The following ZNF831 variants were observed in gnomAD, a reference collection of about 807,000 sequenced individuals.
ZNF831 encodes chromosome 20 open reading frame 174.
ZNF831 carries 59 observed loss-of-function variants against 95.8 expected under a neutral mutation model. That is an observed-to-expected ratio of 0.62 (90% CI 0.50 to 0.77). The LOEUF is 0.77. Ranked by LOEUF, ZNF831 falls within the 30% of genes least tolerant of loss-of-function variation. The pLI is 0.00. For synonymous variants in ZNF831, 961 were observed against 925.5 expected (o/e 1.04, Z -0.70); for missense variants, 2,205 against 2,164.0 (o/e 1.02, Z -0.38).
chr20:59,151,625 T>C (rs1213695986), intron 2 of ZNF831, among the ~76,000 whole-genome samples: 1 of 152,164 alleles, frequency 6.6e-6, no homozygotes, highest in Non-Finnish European at 1.5e-5. Flanking sequence ...GCCAGGTGAA[T>C]GAGGGATGGC....
At chr20:59,151,307 T>C (rs78628461) in intron 2 of ZNF831, among the ~76,000 whole-genome samples, 12,503 of 152,184 alleles carry the variant, frequency 0.082, 692 homozygotes, top group Non-Finnish European at 0.12. Flanking sequence ...AGCACCCATC[T>C]CTGGACAGAA....
intron 1 of ZNF831, among the ~76,000 whole-genome samples, chr20:59,185,560 C>A (rs1168495177): frequency 6.6e-6 from 1 of 152,076 alleles, no homozygotes; most frequent in African/African-American, 2.4e-5. Flanking sequence ...GGTGACAACC[C>A]CCTCAATTTG....
rs1555838157 is a variant in ZNF831, at chr20:59,254,767, T to TTC, written c.*24_*25insTC. Reference sequence around the variant, plus strand: ...GAAGCTTCCAGAGAAACATGGTGTCTGGTCAAAAAGACTGTTGACGCTTCA... The same window carrying TTC: ...GAAGCTTCCAGAGAAACATGGTGTCTTCGGTCAAAAAGACTGTTGACGCTTCA... On this transcript the variant is annotated 3_prime_UTR_variant, in exon 6 of 6. Coordinates refer to ENST00000371030, the MANE Select transcript of ZNF831 (RefSeq NM_178457.3). The surrounding 1 kb of genome is among the most constrained non-coding windows in gnomAD (Gnocchi z 4.5). 6.8e-7 allele frequency: 1 copy of TTC among 1,464,934 alleles called. No individual in the cohort carries two copies. Among genetic ancestry groups the TTC allele is most frequent in the East Asian group, 2.5e-5 (1 of 39,548 alleles). The allele number at this position is 1,464,934 out of a possible 1,614,324, so 90.7% of individuals were successfully genotyped here.
chr20:59,254,748 T>C lies in ZNF831; in HGVS notation c.*5T>C, dbSNP rs773419620. ...CGATTAGTTATAGAAATATGAAGCT[T>C]CCAGAGAAACATGGTGTCTGGTCAA... On this transcript the variant is annotated 3_prime_UTR_variant, in exon 6 of 6. Transcript: ENST00000371030. The surrounding 1 kb of genome is among the most constrained non-coding windows in gnomAD (Gnocchi z 4.5). 8.3e-6 allele frequency: 13 copies of C among 1,565,418 alleles called. No individual in the cohort carries two copies. In the African/African-American group the frequency reaches 1.6e-4, roughly 19 times the overall value.
intron 4 of ZNF831, among the ~76,000 whole-genome samples, chr20:59,219,420 A>G (rs971613560): frequency 6.6e-6 from 1 of 152,200 alleles, no homozygotes; most frequent in African/African-American, 2.4e-5. Context: ...CCAGTGTGGC[A>G]AGGGGAGCCG....
rs1321484457 is a variant in ZNF831 at position 59,149,593 on chromosome 20, GA to G, written c.-1281+3223del. ...CCCTCCTCCAAAAAAAATCGTGAAG[GA>G]AAAGGGTTCCCTCCTGAGTGAGCGC... On this transcript the variant is annotated intron_variant, in intron 2 of 7. Transcript: ENST00000637017. 3.9e-5 allele frequency among the ~76,000 whole-genome samples: 6 copies of G among 152,340 alleles called. No individual in the cohort carries two copies. In the South Asian group the frequency reaches 1.0e-3, roughly 26 times the overall value.
intron 1 of ZNF831, among the ~76,000 whole-genome samples, chr20:59,135,458 G>A (rs747839912): frequency 1.1e-4 from 16 of 152,188 alleles, no homozygotes; most frequent in African/African-American, 2.2e-4. Context: ...GCAGCTGGGC[G>A]CAGTGGCTCA....
At chr20:59,175,129 T>G (rs1982044251) in intron 1 of ZNF831, among the ~76,000 whole-genome samples, 1 of 152,008 alleles carries the variant, frequency 6.6e-6, no homozygotes, top group Non-Finnish European at 1.5e-5. Flanking sequence ...GCTAAGGCAT[T>G]GTTTCTCACT....
intron 1 of ZNF831, among the ~76,000 whole-genome samples, chr20:59,129,221 G>T (rs910279991): frequency 1.3e-5 from 2 of 152,136 alleles, no homozygotes; most frequent in African/African-American, 4.8e-5. Context: ...TGTGTATGTT[G>T]TGTATGTATG....
At chr20:59,177,854 G>A (rs1358185321) in intron 1 of ZNF831, among the ~76,000 whole-genome samples, 2 of 152,136 alleles carry the variant, frequency 1.3e-5, no homozygotes, top group African/African-American at 4.8e-5. Context: ...GTTGAGGAGT[G>A]GAGAAAAAGT....
chr20:59,205,030 G>C (rs573326806), intron 3 of ZNF831, among the ~76,000 whole-genome samples: 1 of 152,208 alleles, frequency 6.6e-6, no homozygotes, highest in Admixed American at 6.5e-5. Context: ...ATTCAGAGGC[G>C]GGGCCTTTCC....
rs1392508905 is a variant in ZNF831 at position 59,217,805 on chromosome 20, A to G, written c.4027+10749A>G. Among the ~76,000 whole-genome samples, 1 of 152,196 alleles carries G rather than the reference A, an allele frequency of 6.6e-6. No individual in the cohort carries two copies. Among genetic ancestry groups the G allele is most frequent in the African/African-American group, 2.4e-5 (1 of 41,444 alleles). ...TATTTATTTTTTTAAATCACAGAGA[A>G]GTAAGTTTCTCTTGACCAGATGTTA... On this transcript the variant is annotated intron_variant, in intron 4 of 5. Coordinates refer to ENST00000371030, the MANE Select transcript of ZNF831 (RefSeq NM_178457.3). The surrounding 1 kb of genome is among the most constrained non-coding windows in gnomAD (Gnocchi z 4.4).
chr20:59,154,514 C>G lies in ZNF831; in HGVS notation c.-1280-5138C>G, dbSNP rs566157331. ...CCCATCCTGCAGCAACTCCAGTGTC[C>G]CTCTTCTTCAGACTCCATGAGGAGT... On this transcript the variant is annotated intron_variant, in intron 2 of 7. Coordinates refer to the ZNF831 transcript ENST00000637017. Among the ~76,000 whole-genome samples, 8 of 152,312 alleles carry G rather than the reference C, an allele frequency of 5.3e-5. No individual in the cohort carries two copies. In the South Asian group the frequency reaches 6.2e-4, roughly 12 times the overall value.
Position 59,208,500 on chromosome 20 carries a change from A to C in ZNF831, c.4027+1444A>C, listed in dbSNP as rs1402266639. Among the ~76,000 whole-genome samples the C allele has an allele frequency of 1.3e-5, 2 of 152,128 alleles. No individual in the cohort carries two copies. Among genetic ancestry groups the C allele is most frequent in the Non-Finnish European group, 2.9e-5 (2 of 68,016 alleles). On this transcript the variant is annotated intron_variant, in intron 4 of 5. Coordinates refer to ENST00000371030, the MANE Select transcript of ZNF831 (RefSeq NM_178457.3). The surrounding 1 kb of genome is among the most constrained non-coding windows in gnomAD (Gnocchi z 4.2). ...TGGATGCCCCTCGTCTCTCCTTAAG[A>C]GTTTTCCAATGTATAACCCACAGCT...
chr20:59,235,492 G>A (rs1853330572), intron 4 of ZNF831, among the ~76,000 whole-genome samples: 1 of 152,154 alleles, frequency 6.6e-6, no homozygotes, highest in African/African-American at 2.4e-5. Flanking sequence ...CCAGAGCAGA[G>A]TTAACCTAGG....
upstream of ZNF831, among the ~76,000 whole-genome samples, chr20:59,163,014 G>GGTTTGTGTGTGT (rs372481661): frequency 3.7e-5 from 5 of 136,530 alleles, no homozygotes; most frequent in African/African-American, 1.4e-4. Context: ...TGTATTCCTA[G>GGTTTGTGTGTGT]GTGTGTGTGT....
At position 59,192,217 on chromosome 20, in the gene ZNF831, G is replaced by A. The variant is rs1390905791; in HGVS notation, c.1198G>A (p.Glu400Lys). ...GGCGCGAGAAGCCGGCCTGGAGCTG[G>A]AGAAGAAGCGGCTGGAGGAGCGCAT... Reference protein sequence around the residue: ...PGAREAGLELEKKRLEERIAQ... With the variant: ...PGAREAGLELKKKRLEERIAQ... Residue 400 changes from glutamate to lysine, a missense_variant, in exon 2 of 6, where the codon GAG (glutamate) becomes AAG (lysine). Glu to Lys is a moderately conservative substitution (Grantham distance 56, BLOSUM62 1). Coordinates refer to ENST00000371030, the MANE Select transcript of ZNF831 (RefSeq NM_178457.3). This position sits in a 1 kb window ranked among gnomAD's most constrained non-coding sequence, Gnocchi z 5.2. 6.3e-7 allele frequency: 1 copy of A among 1,590,008 alleles called. No individual in the cohort carries two copies. Among genetic ancestry groups the A allele is most frequent in the Non-Finnish European group, 8.6e-7 (1 of 1,169,114 alleles).
At chr20:59,140,502 C>G (rs1412971393) in intron 1 of ZNF831, among the ~76,000 whole-genome samples, 1 of 147,980 alleles carries the variant, frequency 6.8e-6, no homozygotes, top group African/African-American at 2.6e-5. Context: ...TATTAATATT[C>G]TTCATTTCTG....
At position 59,191,155 on chromosome 20, in the gene ZNF831, C is replaced by A. The variant is rs1268731433; in HGVS notation, c.136C>A (p.Gln46Lys). 6 of 1,601,876 alleles carry A rather than the reference C, an allele frequency of 3.7e-6. No individual in the cohort carries two copies. The highest frequency in any genetic ancestry group is 5.1e-6 in the Non-Finnish European group (6 of 1,177,838). The part of the protein sequence containing the change: ...TLGPVLLPPE[Q>K]GLAPPTVFLK... ...GGGCCCTGTCCTTCTGCCGCCAGAG[C>A]AGGGCCTGGCCCCCCCCACTGTGTT... Residue 46 changes from glutamine (Q) to lysine (K), a missense_variant, in exon 2 of 6, where the codon CAG becomes AAG. Physicochemically the swap from Gln to Lys is moderately conservative, Grantham distance 53. Transcript: ENST00000371030.
Sources: gnomAD v4.1 joint callset for allele counts (sites outside exome capture counted in the v4.1 genomes callset) on GRCh38, gnomAD v4.1.1 for gene constraint, Gnocchi (gnomAD v3.1) non-coding constraint, MANE v1.5 for transcripts, NCBI Gene and HGNC (gene_info 2026-07-23, HGNC 2026-07-21) for gene names.